The following RASGEF1B variants were observed in gnomAD, a reference collection of about 807,000 sequenced individuals.
RASGEF1B encodes ras-GEF domain-containing family member 1B.
RASGEF1B carries 30 observed loss-of-function variants against 65.7 expected under a neutral mutation model. That is an observed-to-expected ratio of 0.46 (90% CI 0.34 to 0.62). The LOEUF (loss-of-function observed/expected upper bound fraction) is 0.62, where lower values mean the gene tolerates loss of function less well. RASGEF1B is among the 20% of genes least tolerant of loss of function. The pLI is 0.01. For synonymous variants in RASGEF1B, 175 were observed against 194.8 expected (o/e 0.90, Z 0.85); for missense variants, 495 against 580.1 (o/e 0.85, Z 1.51).
intron 4 of RASGEF1B, chr4:81,453,510 A>G (rs2109986927): frequency 6.6e-6 from 1 of 152,378 alleles, no homozygotes; most frequent in Admixed American, 6.5e-5. Flanking sequence ...ATATGTGTTC[A>G]GTACAGACTT....
chr4:81,452,510 T>C (rs1280333138), intron 4 of RASGEF1B: 1 of 152,216 alleles, frequency 6.6e-6, no homozygotes, highest in African/African-American at 2.4e-5. Flanking sequence ...GAAAAATGTA[T>C]GCAATAGAGT....
At chr4:81,458,750 C>A (rs1013290200) in intron 2 of RASGEF1B, among the ~76,000 whole-genome samples, 2 of 152,164 alleles carry the variant, frequency 1.3e-5, no homozygotes, top group Admixed American at 1.3e-4. Flanking sequence ...GAATCGTTTT[C>A]TCCTCTCTTC....
rs1479587512 is a variant in RASGEF1B at position 81,468,406 on chromosome 4, G to A, written c.-7+3364C>T. On this transcript the variant is annotated intron_variant, in intron 1 of 13. Transcript: ENST00000264400. ...TCCAGGCTAATTTGTACTTTCTCTG[G>A]GTTAAACTAATTTTCTAAGCAGGGT... Among the ~76,000 whole-genome samples the A allele has an allele frequency of 2.6e-5, 4 of 151,898 alleles. No homozygotes were observed. In the South Asian group the frequency reaches 6.2e-4, roughly 24 times the overall value.
chr4:81,455,543 G>A (rs1722414922), intron 4 of RASGEF1B: 1 of 152,194 alleles, frequency 6.6e-6, no homozygotes, highest in Non-Finnish European at 1.5e-5. Flanking sequence ...CGAATAAAAT[G>A]CAACATCATT....
chr4:81,427,621 T>G lies in RASGEF1B; in HGVS notation c.*147A>C. 2 of 703,560 alleles carry G rather than the reference T, an allele frequency of 2.8e-6. No homozygotes were observed. The highest frequency in any genetic ancestry group is 4.6e-6 in the Non-Finnish European group (2 of 435,698). The allele number at this position is 703,560 out of a possible 1,614,324, so 43.6% of individuals were successfully genotyped here. A position where few individuals can be genotyped will look rare whatever the true frequency, so the allele number is the denominator to read the frequency against. On this transcript the variant is annotated 3_prime_UTR_variant, in exon 14 of 14. Transcript: ENST00000264400. ...AATAAGTTCTCCATCTGGTCTTGAG[T>G]GAGCTTGTGTGCTTTGCTGACCCGG...
chr4:81,458,075 A>G (rs1722511423), intron 2 of RASGEF1B, among the ~76,000 whole-genome samples: 1 of 152,240 alleles, frequency 6.6e-6, no homozygotes, highest in African/African-American at 2.4e-5. Context: ...CCCAATGCAC[A>G]TAACACTCAA....
At chr4:81,460,680 G>A (rs1446688748) in intron 1 of RASGEF1B, among the ~76,000 whole-genome samples, 1 of 152,216 alleles carries the variant, frequency 6.6e-6, no homozygotes. Flanking sequence ...TGCCTCAGCA[G>A]GGGGCGGCCA....
chr4:81,470,162 G>C (rs1722971532), intron 1 of RASGEF1B, among the ~76,000 whole-genome samples: 1 of 151,950 alleles, frequency 6.6e-6, no homozygotes, highest in Non-Finnish European at 1.5e-5. Flanking sequence ...TAATGATAGG[G>C]TTTAACAAGC....
chr4:81,429,305 C>T (rs1048727071), intron 13 of RASGEF1B, among the ~76,000 whole-genome samples: 9 of 152,206 alleles, frequency 5.9e-5, no homozygotes, highest in African/African-American at 2.2e-4. Flanking sequence ...AACACCAACA[C>T]AGATGAGAGC....
Position 81,445,632 on chromosome 4 carries a change from C to T in RASGEF1B, c.826-4G>A. ...CTCGGTGTTTTTTCTTAACAGGCTACACAGTAAAAGACAATAGAGGGCAGT... is the reference window on the plus strand; with the variant it reads ...CTCGGTGTTTTTTCTTAACAGGCTATACAGTAAAAGACAATAGAGGGCAGT... On this transcript the variant is annotated splice_region_variant and splice_polypyrimidine_tract_variant and intron_variant, in intron 7 of 13. Coordinates refer to ENST00000264400, the MANE Select transcript of RASGEF1B (RefSeq NM_152545.3). 1 of 1,610,846 alleles carries T rather than the reference C, an allele frequency of 6.2e-7. No homozygotes were observed. The highest frequency in any genetic ancestry group is 8.5e-7 in the Non-Finnish European group (1 of 1,177,160).
At chr4:81,439,478 A>T (rs2109972627) in intron 10 of RASGEF1B, among the ~76,000 whole-genome samples, 1 of 152,312 alleles carries the variant, frequency 6.6e-6, no homozygotes, top group Admixed American at 6.5e-5. Flanking sequence ...TGCACTTCAG[A>T]ATTTCTTTGG....
intron 10 of RASGEF1B, among the ~76,000 whole-genome samples, chr4:81,435,640 T>G (rs1721599284): frequency 6.7e-6 from 1 of 148,518 alleles, no homozygotes; most frequent in Non-Finnish European, 1.5e-5. Flanking sequence ...GGCTAATTTT[T>G]TTTTTTTGTA....
chr4:81,435,774 C>CTTT (rs34304493), intron 10 of RASGEF1B, among the ~76,000 whole-genome samples: 1,978 of 91,562 alleles, frequency 0.022, 162 homozygotes, highest in African/African-American at 0.098. Flanking sequence ...CGCGCCTGGC[C>CTTT]TTTTTTTTTT....
chr4:81,432,035 C>T (rs965278578), intron 13 of RASGEF1B, among the ~76,000 whole-genome samples: 1 of 152,038 alleles, frequency 6.6e-6, no homozygotes, highest in Non-Finnish European at 1.5e-5. Context: ...TTTTAACATA[C>T]TATGGCTCAG....
intron 4 of RASGEF1B, chr4:81,452,938 T>C (rs1281480477): frequency 4.0e-5 from 6 of 150,398 alleles, no homozygotes; most frequent in Admixed American, 6.7e-5. Context: ...ACTGTCCTGG[T>C]AGATTCAGAA....
rs970596168 is a variant in RASGEF1B at position 81,435,058 on chromosome 4, A to G, written c.1105-324T>C. Among the ~76,000 whole-genome samples, 4 of 152,326 alleles carry G rather than the reference A, an allele frequency of 2.6e-5. 1 individual carries two copies. The highest frequency in any genetic ancestry group is 1.9e-4 in the East Asian group (1 of 5,166). ...AAAACTCTAGCTATTATGAAAGAAA[A>G]AATACCTAAAAGAACTCTTGCCTTT... is the stretch of plus-strand genomic sequence containing the variant. On this transcript the variant is annotated intron_variant, in intron 10 of 13. Transcript: ENST00000264400.
chr4:81,433,000 C>A (rs1227694459), intron 12 of RASGEF1B, among the ~76,000 whole-genome samples: 2 of 150,700 alleles, frequency 1.3e-5, no homozygotes, highest in African/African-American at 4.9e-5. Flanking sequence ...GATCATGTGA[C>A]CCAATAGTTG....
At chr4:81,434,008 AT>A in intron 11 of RASGEF1B, 45 bp from the exon 12 acceptor site, 1 of 1,548,190 alleles carries the variant, frequency 6.5e-7, no homozygotes, top group Non-Finnish European at 8.9e-7. Context: ...TCATAAAAAA[AT>A]AATTATGAGT....
chr4:81,462,040 G>A (rs1026674853), intron 1 of RASGEF1B, among the ~76,000 whole-genome samples: 1 of 152,172 alleles, frequency 6.6e-6, no homozygotes, highest in Non-Finnish European at 1.5e-5. Context: ...TATTCCTGCA[G>A]AGTAGACAAG....
Sources: allele counts gnomAD v4.1 joint callset (sites outside exome capture counted in the v4.1 genomes callset), GRCh38; gene constraint gnomAD v4.1.1; transcripts MANE v1.5; gene names NCBI Gene and HGNC (gene_info 2026-07-23, HGNC 2026-07-21).